IL10RB: variants seen among roughly 807,000 people sequenced by gnomAD.
IL10RB encodes the protein interleukin 10 receptor subunit beta, also known as interleukin-10 receptor subunit beta.
Under a neutral mutation model 38.7 loss-of-function variants are expected in IL10RB, and 30 were observed. The observed-to-expected ratio is 0.78, with a 90% CI of 0.58 to 1.05. The LOEUF is 1.05. Ranked by LOEUF, IL10RB falls within the 50% of genes least tolerant of loss-of-function variation. The pLI, the probability that IL10RB is intolerant of heterozygous loss-of-function variation, is 0.00. For synonymous variants in IL10RB, 142 were observed against 145.9 expected (o/e 0.97, Z 0.19); for missense variants, 328 against 397.1 (o/e 0.83, Z 1.48).
chr21:33,302,365 T>A (rs1298079598), intron 1 of IL10RB, among the ~76,000 whole-genome samples: 4 of 152,256 alleles, frequency 2.6e-5, no homozygotes, highest in Non-Finnish European at 2.9e-5. Context: ...CCCCGATGAC[T>A]GCTCCATGCG....
chr21:33,289,951 A>G (rs985744468), intron 6 of IL10RB, among the ~76,000 whole-genome samples: 7 of 152,124 alleles, frequency 4.6e-5, no homozygotes, highest in Non-Finnish European at 8.8e-5. Context: ...CGTCTCTACT[A>G]AAAATACAAA....
chr21:33,304,889 A>G (rs753995616), intron 1 of IL10RB, among the ~76,000 whole-genome samples: 6 of 152,242 alleles, frequency 3.9e-5, no homozygotes, highest in Non-Finnish European at 7.3e-5. Flanking sequence ...AGGCTGTACT[A>G]TCAAGATAAG....
At chr21:33,267,277 C>T (rs1410624059) in intron 1 of IL10RB, among the ~76,000 whole-genome samples, 2 of 151,774 alleles carry the variant, frequency 1.3e-5, no homozygotes, top group Non-Finnish European at 2.9e-5. Flanking sequence ...ATTGTGATGC[C>T]CAAGGCCTTT....
chr21:33,292,160 C>T lies in IL10RB; in HGVS notation c.804+3899C>T, dbSNP rs188069511. Among the ~76,000 whole-genome samples, 52 of 152,332 alleles carry T rather than the reference C, an allele frequency of 3.4e-4. 1 individual carries two copies. The highest frequency in any genetic ancestry group is 8.8e-5 in the Non-Finnish European group (6 of 68,030). On this transcript the variant is annotated intron_variant, in intron 6 of 6. Coordinates refer to ENST00000290200, the MANE Select transcript of IL10RB (RefSeq NM_000628.5). Reference sequence around the variant, plus strand: ...TCCCTAACCTTCCAGTCTTCCTTCCCCAGGGCCCCTGACCACCAGGCTTGT... The same window carrying T: ...TCCCTAACCTTCCAGTCTTCCTTCCTCAGGGCCCCTGACCACCAGGCTTGT...
intron 4 of IL10RB, among the ~76,000 whole-genome samples, chr21:33,281,594 T>C (rs576473899): frequency 6.6e-6 from 1 of 152,310 alleles, no homozygotes; most frequent in Admixed American, 6.5e-5. Context: ...TTGGGGGTTT[T>C]TTTGAGGCAG....
chr21:33,268,548 C>T (rs1989017120), intron 2 of IL10RB, 31 bp downstream of exon 2: 1 of 1,511,682 alleles, frequency 6.6e-7, no homozygotes, highest in African/African-American at 1.4e-5. Flanking sequence ...GGCAGGAACG[C>T]ACCGGAGGAG....
intron 6 of IL10RB, among the ~76,000 whole-genome samples, chr21:33,295,191 CT>C (rs1251155554): frequency 6.6e-6 from 1 of 151,938 alleles, no homozygotes; most frequent in Non-Finnish European, 1.5e-5. Flanking sequence ...CTGTGAAACC[CT>C]GTCTCTACTA....
rs886057005 is a variant in IL10RB at position 33,296,722 on chromosome 21, C to T, written c.*365C>T. On this transcript the variant is annotated 3_prime_UTR_variant, in exon 7 of 7. Coordinates refer to ENST00000290200, the MANE Select transcript of IL10RB (RefSeq NM_000628.5). Reference sequence around the variant, plus strand: ...CCAGCACCTTAGAGGTCGAGGCAGGCGGATCACTTGAGGTCAGGAGTTCAA... The same window carrying T: ...CCAGCACCTTAGAGGTCGAGGCAGGTGGATCACTTGAGGTCAGGAGTTCAA... The T allele has an allele frequency of 1.9e-5, 7 of 377,836 alleles. No homozygotes were observed. Among genetic ancestry groups the T allele is most frequent in the East Asian group, 7.0e-5 (1 of 14,358 alleles). The allele number at this position is 377,836 out of a possible 1,614,324, so 23.4% of individuals were successfully genotyped here.
intron 3 of IL10RB, among the ~76,000 whole-genome samples, chr21:33,278,870 T>C (rs1319111650): frequency 6.6e-6 from 1 of 152,196 alleles, no homozygotes; most frequent in Non-Finnish European, 1.5e-5. Flanking sequence ...CCTGAAAAAG[T>C]AACAGCAGCC....
chr21:33,296,200 A>G lies in IL10RB; in HGVS notation c.821A>G (p.His274Arg). The G allele has an allele frequency of 3.1e-6, 5 of 1,614,066 alleles. No homozygotes were observed. Among genetic ancestry groups the G allele is most frequent in the Non-Finnish European group, 4.2e-6 (5 of 1,179,876 alleles). ...CCTCCACAGTTTTTGGGCCATCCTCATCATAACACACTTCTGTTTTTCTCC... is the reference window on the plus strand; with the variant it reads ...CCTCCACAGTTTTTGGGCCATCCTCGTCATAACACACTTCTGTTTTTCTCC... Reference protein sequence around the residue: ...QHLKEFLGHPHHNTLLFFSFP... With the variant: ...QHLKEFLGHPRHNTLLFFSFP... The change falls in exon 7 of 7, where the codon CAT becomes CGT. Residue 274 changes from histidine to arginine, a missense_variant. Coordinates refer to ENST00000290200, the MANE Select transcript of IL10RB (RefSeq NM_000628.5).
Position 33,288,199 on chromosome 21 carries a change from GT to G in IL10RB, c.745del (p.Tyr249ThrfsTer18). On this transcript the variant is annotated frameshift_variant, in exon 6 of 7. Coordinates refer to ENST00000290200, the MANE Select transcript of IL10RB (RefSeq NM_000628.5). LOFTEE classifies it high-confidence loss of function. Reference protein sequence around the residue: ...LLGCFALLWCVYKKTKYAFSP... With the variant: ...LLGCFALLWCXYKKTKYAFSP... ...CGGCTGCTTCGCCTTGCTGTGGTGCGTTTACAAGAAGACAAAGTACGCCTTC... is the reference window on the plus strand; with the variant it reads ...CGGCTGCTTCGCCTTGCTGTGGTGCGTTACAAGAAGACAAAGTACGCCTTC... 1 of 1,613,998 alleles carries G rather than the reference GT, an allele frequency of 6.2e-7. No homozygotes were observed. Among genetic ancestry groups the G allele is most frequent in the Non-Finnish European group, 8.5e-7 (1 of 1,179,898 alleles).
At chr21:33,299,973 G>C (rs1452546692), downstream of IL10RB, among the ~76,000 whole-genome samples, 1 of 152,142 alleles carries the variant, frequency 6.6e-6, no homozygotes, top group Non-Finnish European at 1.5e-5. Flanking sequence ...GGTTGTGAGT[G>C]TCTCTGGGAA....
At chr21:33,294,229 G>C in intron 6 of IL10RB, 1 of 332,988 alleles carries the variant, frequency 3.0e-6, no homozygotes, top group South Asian at 2.3e-5. Flanking sequence ...TCTCCAGCTT[G>C]ACTCATAATG....
At chr21:33,274,541 A>G (rs530394901) in intron 2 of IL10RB, among the ~76,000 whole-genome samples, 1 of 152,344 alleles carries the variant, frequency 6.6e-6, no homozygotes, top group African/African-American at 2.4e-5. Flanking sequence ...GGGCTACAGA[A>G]TGGATGTTGT....
chr21:33,283,360 T>C lies in IL10RB; in HGVS notation c.646+119T>C, dbSNP rs146695200. On this transcript the variant is annotated intron_variant, in intron 5 of 6. Transcript: ENST00000290200. ...GTTCAGAAATCTATCGCCCTGACAT[T>C]ATCTCTCAGCCCTGACTGCTCAGCT... 1.4e-3 allele frequency: 1,421 copies of C among 1,041,840 alleles called. 1 individual carries two copies. Among genetic ancestry groups the C allele is most frequent in the Middle Eastern group, 2.1e-3 (7 of 3,348 alleles). 64.5% of individuals were successfully genotyped at this position (1,041,840 alleles called of 1,614,324 possible). A position where few individuals can be genotyped will look rare whatever the true frequency, so the allele number is the denominator to read the frequency against.
chr21:33,291,251 G>A (rs1798072387), intron 6 of IL10RB, among the ~76,000 whole-genome samples: 1 of 150,200 alleles, frequency 6.7e-6, no homozygotes, highest in African/African-American at 2.4e-5. Context: ...CTGAGGTAGA[G>A]GGATTAGGAC....
downstream of IL10RB, among the ~76,000 whole-genome samples, chr21:33,298,599 G>A (rs1354082766): frequency 1.3e-5 from 2 of 152,232 alleles, no homozygotes; most frequent in South Asian, 2.1e-4. Flanking sequence ...GGGTGACAGA[G>A]CGAGACTCCA....
At chr21:33,276,524 T>G in intron 2 of IL10RB, 72 bp from the exon 3 acceptor site, 1 of 1,226,902 alleles carries the variant, frequency 8.2e-7, no homozygotes, top group Non-Finnish European at 1.2e-6. Context: ...CCCCTCCAAA[T>G]TAAGTACCAG....
intron 2 of IL10RB, among the ~76,000 whole-genome samples, chr21:33,270,384 CTTT>C (rs796190557): frequency 7.0e-6 from 1 of 142,556 alleles, no homozygotes; most frequent in Non-Finnish European, 1.5e-5. Flanking sequence ...GTTTGTTTTT[CTTT>C]TTTTTTTTTT....
Sources: gnomAD v4.1 joint callset for allele counts (sites outside exome capture counted in the v4.1 genomes callset) on GRCh38, gnomAD v4.1.1 for gene constraint, MANE v1.5 for transcripts, NCBI Gene and HGNC (gene_info 2026-07-23, HGNC 2026-07-21) for gene names.